Variants in DENND4A observed in about 807,000 individuals in gnomAD.
DENND4A encodes the protein C-myc promoter-binding protein.
In DENND4A, 70 loss-of-function variants were observed where a neutral mutation model predicts 199.3. That is an observed-to-expected ratio of 0.35 (90% CI 0.29 to 0.43). DENND4A has a LOEUF of 0.43. DENND4A is among the 20% of genes least tolerant of loss of function. The probability of loss-of-function intolerance (pLI) is 1.00; values close to 1 mark genes in which losing one functional copy is unlikely to be tolerated. For synonymous variants in DENND4A, 686 were observed against 766.9 expected (o/e 0.89, Z 1.74); for missense variants, 1,723 against 2,255.8 (o/e 0.76, Z 4.78).
At chr15:65,736,194 A>G (rs1171260679) in intron 7 of DENND4A, among the ~76,000 whole-genome samples, 1 of 152,218 alleles carries the variant, frequency 6.6e-6, no homozygotes, top group East Asian at 1.9e-4. Flanking sequence ...ACCAATGCAC[A>G]ATGCTACAAA....
chr15:65,703,068 T>G, intron 15 of DENND4A, 60 bp from the exon 16 acceptor site: 1 of 1,498,342 alleles, frequency 6.7e-7, no homozygotes, highest in Non-Finnish European at 9.1e-7. Context: ...TAGATGATCA[T>G]AGTGGTTACA....
At chr15:65,771,584 C>T (rs2077127208) in intron 1 of DENND4A, 1 of 1,612,832 alleles carries the variant, frequency 6.2e-7, no homozygotes, top group Non-Finnish European at 8.5e-7. Flanking sequence ...ACCTCCATCT[C>T]CTCTTTCCTC....
Position 65,752,415 on chromosome 15 carries a change from C to A in DENND4A, c.525G>T (p.Thr175=). 2 of 1,606,120 alleles carry A rather than the reference C, an allele frequency of 1.2e-6. No homozygotes were observed. Among genetic ancestry groups the A allele is most frequent in the Non-Finnish European group, 1.7e-6 (2 of 1,175,820 alleles). The change falls in exon 4 of 33, where the codon ACG becomes ACT. Residue 175 remains threonine, a synonymous_variant. Coordinates refer to ENST00000443035, the MANE Select transcript of DENND4A (RefSeq NM_001320835.1). ...IPSKGESPPH[T]FCKVDKNLNN... ...TGAGATTCTTGTCGACTTTGCAGAA[C>A]GTGTGTGGTGGGCTTTCTCCTTTAC...
intron 23 of DENND4A, among the ~76,000 whole-genome samples, chr15:65,690,007 T>C (rs1753739291): frequency 6.6e-6 from 1 of 152,166 alleles, no homozygotes. Context: ...TTTTAGCTCT[T>C]AGGGGAAGGT....
chr15:65,691,368 G>T lies in DENND4A; in HGVS notation c.3226C>A (p.Arg1076Ser). 1 of 1,613,440 alleles carries T rather than the reference G, an allele frequency of 6.2e-7. No individual in the cohort carries two copies. Among genetic ancestry groups the T allele is most frequent in the Non-Finnish European group, 8.5e-7 (1 of 1,179,698 alleles). Residue 1076 changes from arginine (R) to serine (S), a missense_variant, in exon 23 of 33, where the codon CGT becomes AGT. Arg to Ser is a moderately radical substitution (Grantham distance 110, BLOSUM62 -1). This residue lies in a region of DENND4A where 650 missense variants were observed against 738.1 expected (regional missense o/e 0.88). Coordinates refer to ENST00000443035, the MANE Select transcript of DENND4A (RefSeq NM_001320835.1). ...QQQVVWGNRNRNLSGGVLMGF... is the reference protein window; with the variant it reads ...QQQVVWGNRNSNLSGGVLMGF... ...ATCAGTACCCCTCCACTAAGATTAC[G>T]GTTTCTATTTCCCCAGACCACTTGC...
At chr15:65,727,916 G>A (rs1051491855) in intron 11 of DENND4A, 6 of 243,036 alleles carry the variant, frequency 2.5e-5, no homozygotes, top group African/African-American at 1.2e-4. Context: ...TGCATCCCTA[G>A]GGTGTAAAGA....
At chr15:65,750,129 A>G (rs987167632) in intron 4 of DENND4A, among the ~76,000 whole-genome samples, 5 of 152,196 alleles carry the variant, frequency 3.3e-5, no homozygotes, top group African/African-American at 1.2e-4. Flanking sequence ...AGAAATTTCC[A>G]TTTTTTTAAT....
At chr15:65,785,851 A>G (rs1278718532) in intron 1 of DENND4A, among the ~76,000 whole-genome samples, 2 of 152,168 alleles carry the variant, frequency 1.3e-5, no homozygotes, top group African/African-American at 4.8e-5. Context: ...GTCACTGTTC[A>G]AGAAATCTGG....
At chr15:65,750,729 CTTTT>C (rs563776511) in intron 4 of DENND4A, among the ~76,000 whole-genome samples, 13 of 145,176 alleles carry the variant, frequency 9.0e-5, no homozygotes, top group African/African-American at 3.3e-4. Context: ...GTATACATTC[CTTTT>C]TTTTTTTAAT....
rs1391019073 is a variant in DENND4A, at chr15:65,706,222, C to T, written c.1956G>A (p.Val652=). Reference sequence around the variant, plus strand: ...GTACTTCACCGCTCTTGTCCATATCCACCTAAAGGAGTTTTAAAAACATAT... The same window carrying T: ...GTACTTCACCGCTCTTGTCCATATCTACCTAAAGGAGTTTTAAAAACATAT... The part of the protein sequence containing the change: ...LAFFDDCVDK[V]DMDKSGEVRL... The change falls in exon 15 of 33, where the codon GTG becomes GTA. Residue 652 remains valine, a splice_region_variant and synonymous_variant. Transcript: ENST00000443035. The T allele has an allele frequency of 1.3e-6, 2 of 1,539,026 alleles. No individual in the cohort carries two copies. Among genetic ancestry groups the T allele is most frequent in the East Asian group, 2.4e-5 (1 of 41,822 alleles).
At chr15:65,756,076 T>C in intron 3 of DENND4A, 64 bp downstream of exon 3, 2 of 1,359,148 alleles carry the variant, frequency 1.5e-6, no homozygotes, top group Non-Finnish European at 2.0e-6. Flanking sequence ...GAACAGTTAA[T>C]CTCCAAATCT....
At position 65,664,398 on chromosome 15, in the gene DENND4A, G is replaced by C. The variant is rs1029432963; in HGVS notation, c.5523-4C>G. The C allele has an allele frequency of 1.2e-5, 19 of 1,592,464 alleles. No individual in the cohort carries two copies. Among genetic ancestry groups the C allele is most frequent in the Admixed American group, 7.1e-5 (4 of 56,074 alleles). On this transcript the variant is annotated splice_polypyrimidine_tract_variant and splice_region_variant and intron_variant, in intron 31 of 32. Transcript: ENST00000443035. ...TAGTATTTCTCTGTATAAACTCCTA[G>C]GGAGAAAAAGTCATGGAGAAAATAT...
intron 1 of DENND4A, among the ~76,000 whole-genome samples, chr15:65,775,530 A>G (rs1479788757): frequency 6.7e-6 from 1 of 148,180 alleles, no homozygotes; most frequent in East Asian, 2.0e-4. Flanking sequence ...AATCCCAGCT[A>G]CTTGGGAGGC....
At chr15:65,714,349 C>A (rs968752220) in intron 14 of DENND4A, among the ~76,000 whole-genome samples, 4 of 151,304 alleles carry the variant, frequency 2.6e-5, no homozygotes, top group African/African-American at 9.7e-5. Context: ...GGAGGCGGAG[C>A]TTGCAGTGAG....
At chr15:65,766,196 A>G (rs2076980676) in intron 1 of DENND4A, among the ~76,000 whole-genome samples, 1 of 149,678 alleles carries the variant, frequency 6.7e-6, no homozygotes. Flanking sequence ...GGTTGTGGTG[A>G]GCTGAGATCA....
intron 23 of DENND4A, among the ~76,000 whole-genome samples, chr15:65,684,160 T>G (rs756392396): frequency 1.3e-5 from 2 of 152,250 alleles, no homozygotes; most frequent in African/African-American, 4.8e-5. Context: ...TTTTGGCTTT[T>G]ATGAACAATG....
rs61418354 is a variant in DENND4A, at chr15:65,752,281, C to CAAAAAAA, written c.561+91_561+97dup. Reference sequence around the variant, plus strand: ...TCTGTAATTAAACTATGCTGTTTTCCAAAAAAAAAAAAAAAAAAAAAAAAA... The same window carrying CAAAAAAA: ...TCTGTAATTAAACTATGCTGTTTTCCAAAAAAAAAAAAAAAAAAAAAAAAAAAAAAAA... On this transcript the variant is annotated intron_variant, in intron 4 of 32. Transcript: ENST00000443035. 41 of 272,678 alleles carry CAAAAAAA rather than the reference C, an allele frequency of 1.5e-4. 1 individual carries two copies. In the African/African-American group the frequency reaches 2.1e-3, roughly 14 times the overall value. The allele number at this position is 272,678 out of a possible 1,614,324, so 16.9% of individuals were successfully genotyped here.
At chr15:65,715,206 C>T (rs922766350) in intron 14 of DENND4A, 1 of 236,046 alleles carries the variant, frequency 4.2e-6, no homozygotes, top group African/African-American at 2.3e-5. Flanking sequence ...CAAAAAATTC[C>T]TGGTTTTGTA....
intron 2 of DENND4A, among the ~76,000 whole-genome samples, chr15:65,758,745 CAAAGA>C (rs2076778149): frequency 6.6e-6 from 1 of 152,112 alleles, no homozygotes; most frequent in Admixed American, 6.6e-5. Flanking sequence ...CCAATAAGTG[CAAAGA>C]AAAGATTCCA....
Sources: gnomAD v4.1 joint callset for allele counts (sites outside exome capture counted in the v4.1 genomes callset) on GRCh38, gnomAD v4.1.1 for gene constraint, gnomAD v4.1.1 regional missense constraint, MANE v1.5 for transcripts, NCBI Gene and HGNC (gene_info 2026-07-23, HGNC 2026-07-21) for gene names.